IMMP2L: variants seen among roughly 807,000 people sequenced by gnomAD.
IMMP2L encodes mitochondrial inner membrane protease subunit 2.
Under a neutral mutation model 19.3 loss-of-function variants are expected in IMMP2L, and 18 were observed. The ratio of observed to expected loss-of-function variants is 0.93; its 90% CI spans 0.64 to 1.38. The LOEUF is 1.38. Among genes scored for constraint, IMMP2L ranks in the 40% most tolerant of loss-of-function variants. The pLI is 0.00. For synonymous variants in IMMP2L, 76 were observed against 73.0 expected, an observed-to-expected ratio of 1.04 and a Z score of -0.21; for missense variants, 233 against 218.2, an observed-to-expected ratio of 1.07 and a Z score of -0.43.
chr7:111,351,485 G>A (rs1017957355), intron 3 of IMMP2L, among the ~76,000 whole-genome samples: 6 of 152,010 alleles, frequency 3.9e-5, no homozygotes, highest in African/African-American at 7.2e-5. Flanking sequence ...CACCGCACCC[G>A]GCCCATCTTT....
At chr7:110,857,328 A>G (rs973144510) in intron 5 of IMMP2L, among the ~76,000 whole-genome samples, 1 of 152,068 alleles carries the variant, frequency 6.6e-6, no homozygotes, top group African/African-American at 2.4e-5. Context: ...AAATAGAATA[A>G]AAGTCCTACC....
intron 4 of IMMP2L, among the ~76,000 whole-genome samples, chr7:110,892,487 T>C (rs1810907103): frequency 1.3e-5 from 2 of 152,162 alleles, no homozygotes; most frequent in Non-Finnish European, 2.9e-5. Flanking sequence ...TCCACGGCAC[T>C]TTGTATGCCT....
intron 3 of IMMP2L, among the ~76,000 whole-genome samples, chr7:111,052,647 A>G (rs1386555748): frequency 1.3e-5 from 2 of 152,142 alleles, no homozygotes; most frequent in African/African-American, 2.4e-5. Flanking sequence ...CACCTTGGGC[A>G]TATGTTCTCA....
intron 3 of IMMP2L, among the ~76,000 whole-genome samples, chr7:111,147,099 G>A (rs187908608): frequency 6.6e-5 from 10 of 152,016 alleles, no homozygotes; most frequent in Non-Finnish European, 1.0e-4. Context: ...TGCTAATCTT[G>A]TTTTAGAGAC....
intron 3 of IMMP2L, among the ~76,000 whole-genome samples, chr7:111,370,452 G>A (rs758710196): frequency 8.6e-5 from 13 of 151,916 alleles, no homozygotes; most frequent in Non-Finnish European, 1.5e-4. Flanking sequence ...AAAAATCTCT[G>A]TTTTCAGGGA....
intron 5 of IMMP2L, among the ~76,000 whole-genome samples, chr7:110,665,417 T>A (rs1791380653): frequency 6.6e-6 from 1 of 152,236 alleles, no homozygotes; most frequent in Non-Finnish European, 1.5e-5. Context: ...ATGATACCAT[T>A]ATTATACACA....
At chr7:111,268,103 A>G (rs1485264732) in intron 3 of IMMP2L, among the ~76,000 whole-genome samples, 1 of 151,982 alleles carries the variant, frequency 6.6e-6, no homozygotes, top group Non-Finnish European at 1.5e-5. Flanking sequence ...TCTGTCCCCA[A>G]TTTTCTCACT....
intron 3 of IMMP2L, among the ~76,000 whole-genome samples, chr7:111,354,733 A>C (rs1271454473): frequency 4.0e-5 from 6 of 151,866 alleles, no homozygotes; most frequent in Admixed American, 3.9e-4. Flanking sequence ...CACAGAAATA[A>C]GCAACTGGAA....
intron 1 of IMMP2L, among the ~76,000 whole-genome samples, chr7:111,527,193 A>G (rs747422331): frequency 6.6e-6 from 1 of 152,076 alleles, no homozygotes; most frequent in African/African-American, 2.4e-5. Flanking sequence ...GCCAAGCAAG[A>G]GGGTCACTTC....
intron 5 of IMMP2L, among the ~76,000 whole-genome samples, chr7:110,830,498 C>T (rs1402594419): frequency 2.0e-5 from 3 of 152,122 alleles, no homozygotes; most frequent in African/African-American, 7.2e-5. Context: ...ACATACACAA[C>T]CCTGTACTGT....
intron 3 of IMMP2L, among the ~76,000 whole-genome samples, chr7:111,462,446 C>T (rs1478561812): frequency 6.6e-6 from 1 of 151,788 alleles, no homozygotes; most frequent in Admixed American, 6.6e-5. Context: ...TTAATTACAT[C>T]CAGAAATTAA....
chr7:110,961,606 T>C (rs989166981), intron 4 of IMMP2L, among the ~76,000 whole-genome samples: 2 of 151,856 alleles, frequency 1.3e-5, no homozygotes, highest in Admixed American at 6.6e-5. Flanking sequence ...ATGTTCATAG[T>C]ATTTATACCA....
At chr7:111,255,285 A>C (rs1274799302) in intron 3 of IMMP2L, among the ~76,000 whole-genome samples, 1 of 152,288 alleles carries the variant, frequency 6.6e-6, no homozygotes, top group Non-Finnish European at 1.5e-5. Context: ...CCATGAGGAT[A>C]GAATGCATTC....
Position 111,040,430 on chromosome 7 carries a change from C to T in IMMP2L, c.240-76865G>A, listed in dbSNP as rs1336122137. 2.0e-5 allele frequency among the ~76,000 whole-genome samples: 3 copies of T among 151,842 alleles called. No homozygotes were observed. In the East Asian group the frequency reaches 5.8e-4, roughly 29 times the overall value. ...ATTTTTATTCTTACTGAAGCAAATA[C>T]CCAGTTTAGGGGATGTTCTACCCTG... On this transcript the variant is annotated intron_variant, in intron 3 of 5. Coordinates refer to ENST00000405709, the MANE Select transcript of IMMP2L (RefSeq NM_032549.4).
intron 3 of IMMP2L, among the ~76,000 whole-genome samples, chr7:111,258,620 C>T (rs1257521863): frequency 6.6e-6 from 1 of 152,038 alleles, no homozygotes; most frequent in African/African-American, 2.4e-5. Context: ...AATTCTCACA[C>T]CTCAGCCTCC....
intron 3 of IMMP2L, among the ~76,000 whole-genome samples, chr7:110,969,514 C>T (rs940331697): frequency 4.0e-5 from 6 of 151,876 alleles, no homozygotes; most frequent in African/African-American, 1.5e-4. Flanking sequence ...ATGCTCCCAA[C>T]CAAGAGCCTC....
At chr7:111,342,560 C>A (rs1466867458) in intron 3 of IMMP2L, among the ~76,000 whole-genome samples, 1 of 152,000 alleles carries the variant, frequency 6.6e-6, no homozygotes, top group Non-Finnish European at 1.5e-5. Context: ...ACACTGCACT[C>A]CAGTCTGGCG....
intron 3 of IMMP2L, among the ~76,000 whole-genome samples, chr7:111,176,604 G>C (rs183631566): frequency 4.5e-4 from 69 of 152,072 alleles, no homozygotes; most frequent in African/African-American, 1.6e-3. Context: ...AGAGAAGAAT[G>C]ATGGTTATCA....
At chr7:111,124,096 T>C (rs1800990795) in intron 3 of IMMP2L, 4 of 1,614,052 alleles carry the variant, frequency 2.5e-6, no homozygotes, top group Non-Finnish European at 2.5e-6. Context: ...CTATGTTTCC[T>C]TTCACTGTAG....
Sources: gnomAD v4.1 joint callset for allele counts (sites outside exome capture counted in the v4.1 genomes callset) on GRCh38, gnomAD v4.1.1 for gene constraint, MANE v1.5 for transcripts, NCBI Gene and HGNC (gene_info 2026-07-23, HGNC 2026-07-21) for gene names.